Variants in DRC9 observed in about 807,000 individuals in gnomAD.
DRC9 encodes the protein dynein regulatory complex subunit 9.
chr3:197,900,162 G>T, the DRC9 span, among the ~76,000 whole-genome samples: 1 of 152,168 alleles, frequency 6.6e-6, no homozygotes, highest in African/African-American at 2.4e-5. The surrounding 1 kb of genome is among the most constrained non-coding windows in gnomAD (Gnocchi z 4.7). Flanking sequence ...CGCCGCTCTG[G>T]GGTCCTCAAT....
chr3:197,890,085 A>AAGC, the DRC9 span, among the ~76,000 whole-genome samples: 1 of 152,162 alleles, frequency 6.6e-6, no homozygotes, highest in African/African-American at 2.4e-5. Context: ...CCAAGGGCAA[A>AAGC]AGCACTCGGC....
At chr3:197,897,433 C>T in the DRC9 span, among the ~76,000 whole-genome samples, 1 of 151,908 alleles carries the variant, frequency 6.6e-6, no homozygotes, top group Non-Finnish European at 1.5e-5. Flanking sequence ...TTTATATTTG[C>T]CTCAGGCCCA....
At chr3:197,943,935 T>A in the DRC9 span, 1 of 1,614,154 alleles carries the variant, frequency 6.2e-7, no homozygotes, top group Non-Finnish European at 8.5e-7. Flanking sequence ...GATTTCTATG[T>A]CTGTTTCTTT....
the DRC9 span, among the ~76,000 whole-genome samples, chr3:197,934,183 C>CTTTTTTTTTTTTTTTTTTTTTTTT: frequency 6.0e-5 from 6 of 99,470 alleles, 1 homozygote; most frequent in African/African-American, 1.5e-4. Context: ...CATTCTGGGT[C>CTTTTTTTTTTTTTTTTTTTTTTTT]TTTTTTTTTT....
the DRC9 span, chr3:197,889,534 C>G: frequency 6.2e-7 from 1 of 1,611,462 alleles, no homozygotes; most frequent in Non-Finnish European, 8.5e-7. Flanking sequence ...TCTCCAAGTC[C>G]TTCCCACCTC....
At chr3:197,909,109 G>A in the DRC9 span, among the ~76,000 whole-genome samples, 9 of 152,266 alleles carry the variant, frequency 5.9e-5, no homozygotes, top group Non-Finnish European at 1.3e-4. Context: ...CAAGTTTCAG[G>A]GTCCTGTTCT....
the DRC9 span, among the ~76,000 whole-genome samples, chr3:197,938,298 C>G: frequency 0.035 from 4,550 of 131,758 alleles, 255 homozygotes; most frequent in African/African-American, 0.13. Flanking sequence ...GCCTTGGTGA[C>G]AAGAGCGAAA....
chr3:197,902,443 A>G, the DRC9 span, among the ~76,000 whole-genome samples: 2 of 152,180 alleles, frequency 1.3e-5, no homozygotes, highest in Non-Finnish European at 2.9e-5. Context: ...CAAAATAGCC[A>G]TTTTGAGGAA....
chr3:197,935,439 C>CAAA, the DRC9 span, among the ~76,000 whole-genome samples: 3 of 95,262 alleles, frequency 3.1e-5, no homozygotes, highest in Non-Finnish European at 4.1e-5. Context: ...ACTCTGTCTC[C>CAAA]AAAAAAAAAA....
At chr3:197,904,110 A>ATATATTTT in the DRC9 span, among the ~76,000 whole-genome samples, 1 of 80,832 alleles carries the variant, frequency 1.2e-5, no homozygotes, top group South Asian at 3.8e-4. Flanking sequence ...ATATATATAT[A>ATATATTTT]TTTTTTTTTT....
the DRC9 span, chr3:197,891,697 G>A: frequency 7.0e-6 from 3 of 427,498 alleles, no homozygotes; most frequent in South Asian, 1.1e-4. Flanking sequence ...ATTCCTAGAT[G>A]GTAAATATTC....
At chr3:197,912,676 T>C in the DRC9 span, 5 of 1,612,716 alleles carry the variant, frequency 3.1e-6, no homozygotes, top group South Asian at 5.5e-5. Context: ...GGGACCCACC[T>C]GCTGCTCCTT....
At chr3:197,934,226 C>T in the DRC9 span, among the ~76,000 whole-genome samples, 1 of 124,504 alleles carries the variant, frequency 8.0e-6, no homozygotes, top group Non-Finnish European at 1.6e-5. Context: ...TTCTTGTTGC[C>T]CAGGCTGGAG....
chr3:197,954,713 G>T, the DRC9 span, among the ~76,000 whole-genome samples: 1 of 151,990 alleles, frequency 6.6e-6, no homozygotes, highest in Admixed American at 6.6e-5. Context: ...TCTCCATGTT[G>T]CCCAGGCTGG....
At chr3:197,936,781 C>T in the DRC9 span, among the ~76,000 whole-genome samples, 11 of 152,128 alleles carry the variant, frequency 7.2e-5, no homozygotes, top group Non-Finnish European at 1.5e-4. Context: ...TAAAACTAAT[C>T]CCCTACAAAT....
At chr3:197,945,590 A>G in the DRC9 span, 17 of 1,489,264 alleles carry the variant, frequency 1.1e-5, no homozygotes, top group Non-Finnish European at 1.5e-5. Context: ...AAATACATGT[A>G]TACAAAAAAC....
chr3:197,936,962 TC>T, the DRC9 span, among the ~76,000 whole-genome samples: 1 of 152,172 alleles, frequency 6.6e-6, no homozygotes, highest in Non-Finnish European at 1.5e-5. Flanking sequence ...AATACCGAGG[TC>T]AGCAAACTCT....
At chr3:197,901,639 C>T in the DRC9 span, among the ~76,000 whole-genome samples, 1 of 152,256 alleles carries the variant, frequency 6.6e-6, no homozygotes, top group Non-Finnish European at 1.5e-5. This position sits in a 1 kb window ranked among gnomAD's most constrained non-coding sequence, Gnocchi z 4.4. Context: ...AGCGGCTCCT[C>T]CGCATGTGGA....
At chr3:197,956,625 T>G in the DRC9 span, 1 of 120,572 alleles carries the variant, frequency 8.3e-6, no homozygotes, top group Non-Finnish European at 1.7e-5. Context: ...TGCTGTATGG[T>G]TTTTTTTTTT....
Sources: allele counts gnomAD v4.1 joint callset (sites outside exome capture counted in the v4.1 genomes callset), GRCh38; gene constraint gnomAD v4.1.1; non-coding constraint Gnocchi (gnomAD v3.1); transcripts MANE v1.5; gene names NCBI Gene and HGNC (gene_info 2026-07-23, HGNC 2026-07-21).